The following TTLL9 variants were observed in gnomAD, a reference collection of about 807,000 sequenced individuals.
TTLL9 encodes probable tubulin polyglutamylase TTLL9.
Under a neutral mutation model 65.6 loss-of-function variants are expected in TTLL9, and 47 were observed. That is an observed-to-expected ratio of 0.72 (90% CI 0.57 to 0.91). TTLL9 has a LOEUF of 0.91. Ranked by LOEUF, TTLL9 falls within the 40% of genes least tolerant of loss-of-function variation. The pLI, the probability that TTLL9 is intolerant of heterozygous loss-of-function variation, is 0.00. For missense variants in TTLL9, 537 were observed against 568.8 expected (o/e 0.94, Z 0.57); for synonymous variants, 179 against 204.8 (o/e 0.87, Z 1.07).
At chr20:31,881,048 T>G (rs1568735563) in intron 2 of TTLL9, among the ~76,000 whole-genome samples, 1 of 151,868 alleles carries the variant, frequency 6.6e-6, no homozygotes, top group Non-Finnish European at 1.5e-5. Context: ...CAGAGGAGTC[T>G]CTATGTTATG....
At chr20:31,873,848 G>GAA (rs1478048641) in intron 2 of TTLL9, among the ~76,000 whole-genome samples, 5 of 148,126 alleles carry the variant, frequency 3.4e-5, no homozygotes, top group African/African-American at 1.0e-4. Context: ...AAGAAAGAAA[G>GAA]AAAGAAAGAA....
At chr20:31,936,662 G>A (rs2064113965) in intron 12 of TTLL9, among the ~76,000 whole-genome samples, 1 of 152,156 alleles carries the variant, frequency 6.6e-6, no homozygotes, top group Non-Finnish European at 1.5e-5. Flanking sequence ...GACACAGCAG[G>A]TTGGGTGCCA....
chr20:31,890,043 CTTCT>C (rs1291120581), intron 3 of TTLL9, among the ~76,000 whole-genome samples: 121 of 112,948 alleles, frequency 1.1e-3, no homozygotes, highest in African/African-American at 3.4e-3. Context: ...TCCTTCCTTC[CTTCT>C]TTCTTTCTTT....
intron 2 of TTLL9, among the ~76,000 whole-genome samples, chr20:31,880,944 C>A (rs556776361): frequency 2.7e-4 from 40 of 146,028 alleles, no homozygotes; most frequent in African/African-American, 9.7e-4. Flanking sequence ...ACTTCCTGGA[C>A]TCAAGCGATT....
intron 10 of TTLL9, among the ~76,000 whole-genome samples, chr20:31,928,649 G>A (rs1225665299): frequency 1.3e-5 from 2 of 152,036 alleles, no homozygotes; most frequent in Non-Finnish European, 2.9e-5. Context: ...TCCCTTGAGG[G>A]ATGGTGAAAT....
At chr20:31,872,884 T>G (rs540275419) in intron 2 of TTLL9, 1 of 444,662 alleles carries the variant, frequency 2.2e-6, no homozygotes, top group East Asian at 6.9e-5. Flanking sequence ...GGAGCACATA[T>G]GGCCATGATT....
intron 11 of TTLL9, 173 bp from the exon 12 acceptor site, chr20:31,934,519 T>C (rs1483241823): frequency 1.5e-6 from 1 of 669,086 alleles, no homozygotes; most frequent in African/African-American, 1.8e-5. Context: ...ACATGAAGAA[T>C]TTTTGCCCCT....
At chr20:31,924,794 C>G (rs1393616830) in intron 8 of TTLL9, among the ~76,000 whole-genome samples, 1 of 152,092 alleles carries the variant, frequency 6.6e-6, no homozygotes, top group East Asian at 1.9e-4. Flanking sequence ...TCAGGCTGGT[C>G]TTGGATTCCT....
At chr20:31,913,449 T>C (rs1342266798) in intron 6 of TTLL9, among the ~76,000 whole-genome samples, 1 of 152,124 alleles carries the variant, frequency 6.6e-6, no homozygotes, top group African/African-American at 2.4e-5. Context: ...GTCCCCTGAA[T>C]CCCTCCACTC....
In TTLL9 at chr20:31,908,572, G is replaced by A. The variant is rs746055883; in HGVS notation, c.207-19G>A. 29 of 1,069,294 alleles carry A rather than the reference G, an allele frequency of 2.7e-5. No individual in the cohort carries two copies. The highest frequency in any genetic ancestry group is 1.4e-4 in the Admixed American group (8 of 58,316). The allele number at this position is 1,069,294 out of a possible 1,614,324, so 66.2% of individuals were successfully genotyped here. On this transcript the variant is annotated intron_variant, in intron 4 of 14. Coordinates refer to ENST00000535842, the MANE Select transcript of TTLL9 (RefSeq NM_001008409.5). ...TCCTCAGACCATGACCTTTATCCCC[G>A]CCCCCACCCCACCCCCAGCGAAGGG...
At chr20:31,898,188 A>G (rs934854981) in intron 3 of TTLL9, among the ~76,000 whole-genome samples, 2 of 152,334 alleles carry the variant, frequency 1.3e-5, no homozygotes, top group Non-Finnish European at 2.9e-5. Flanking sequence ...GCAAATACTT[A>G]TCATTTCATG....
intron 7 of TTLL9, among the ~76,000 whole-genome samples, chr20:31,922,389 C>A (rs1355795644): frequency 6.6e-6 from 1 of 152,184 alleles, no homozygotes; most frequent in African/African-American, 2.4e-5. Flanking sequence ...CACCACCATC[C>A]GTCTCCAGAA....
Position 31,919,919 on chromosome 20 carries a change from T to C in TTLL9, c.560T>C (p.Val187Ala). 6.3e-7 allele frequency: 1 copy of C among 1,592,174 alleles called. No homozygotes were observed. The highest frequency in any genetic ancestry group is 1.8e-5 in the Admixed American group (1 of 57,052). ...CTCTTCCGTAGGCTGAAGGACATCGTGGACTGGAGGAAGGTGAGCCTGCCT... is the reference window on the plus strand; with the variant it reads ...CTCTTCCGTAGGCTGAAGGACATCGCGGACTGGAGGAAGGTGAGCCTGCCT... ...IFLFRRLKDI[V>A]DWRKDTRSSD... Residue 187 changes from valine to alanine, a missense_variant, in exon 7 of 15, where the codon GTG (valine) becomes GCG (alanine). Physicochemically the swap from Val to Ala is moderately conservative, Grantham distance 64. Around this residue, in one of 3 missense-constraint regions of TTLL9, gnomAD observed 320 missense variants for 311.0 expected, o/e 1.03. Transcript: ENST00000535842.
intron 4 of TTLL9, among the ~76,000 whole-genome samples, chr20:31,903,167 C>T (rs1452991644): frequency 6.6e-6 from 1 of 152,028 alleles, no homozygotes; most frequent in Non-Finnish European, 1.5e-5. Flanking sequence ...ACCGTACCCA[C>T]CCTCACATTT....
intron 2 of TTLL9, among the ~76,000 whole-genome samples, chr20:31,876,563 T>C (rs965678183): frequency 2.6e-5 from 4 of 152,232 alleles, no homozygotes; most frequent in African/African-American, 9.6e-5. Context: ...ACAACATCCT[T>C]ATACATATGA....
At position 31,937,470 on chromosome 20, in the gene TTLL9, T is replaced by G. The variant is rs2064131802; in HGVS notation, c.1079T>G (p.Leu360Arg). The G allele has an allele frequency of 6.2e-7, 1 of 1,613,730 alleles. No individual in the cohort carries two copies. The highest frequency in any genetic ancestry group is 1.1e-5 in the South Asian group (1 of 91,080). ...SQEDYELKTC[L>R]LEDTLHVVDM... ...GAAGACTATGAGCTCAAGACCTGCC[T>G]CCTGGAAGACACCCTGCATGTTGTG... Residue 360 changes from leucine to arginine, a missense_variant, in exon 13 of 15, where the codon CTC (leucine) becomes CGC (arginine). Leu to Arg is a moderately radical substitution (Grantham distance 102, BLOSUM62 -2). This residue lies in a region of TTLL9 where 205 missense variants were observed against 225.9 expected (regional missense o/e 0.91). Coordinates refer to ENST00000535842, the MANE Select transcript of TTLL9 (RefSeq NM_001008409.5).
At position 31,931,065 on chromosome 20, in the gene TTLL9, G is replaced by C. The variant is rs1394022548; in HGVS notation, c.749-2735G>C. On this transcript the variant is annotated intron_variant, in intron 10 of 14. Coordinates refer to ENST00000535842, the MANE Select transcript of TTLL9 (RefSeq NM_001008409.5). ...TCAGCCAGTAACTTACTTTGCCCCA[G>C]CATCCTCTTTTCCTTTTTTTTTTTT... Among the ~76,000 whole-genome samples, 4 of 146,672 alleles carry C rather than the reference G, an allele frequency of 2.7e-5. No individual in the cohort carries two copies. In the South Asian group the frequency reaches 6.4e-4, roughly 24 times the overall value.
chr20:31,875,448 T>A (rs555753610), intron 2 of TTLL9, among the ~76,000 whole-genome samples: 56 of 152,244 alleles, frequency 3.7e-4, no homozygotes, highest in Non-Finnish European at 6.2e-4. Context: ...CAAACAGGTT[T>A]GGAAACCTCG....
At chr20:31,891,067 C>G (rs1171054471) in intron 3 of TTLL9, among the ~76,000 whole-genome samples, 1 of 152,108 alleles carries the variant, frequency 6.6e-6, no homozygotes, top group Non-Finnish European at 1.5e-5. Flanking sequence ...GAGTACAAAC[C>G]CAGGGTATAG....
Sources: gnomAD v4.1 joint callset for allele counts (sites outside exome capture counted in the v4.1 genomes callset) on GRCh38, gnomAD v4.1.1 for gene constraint, gnomAD v4.1.1 regional missense constraint, MANE v1.5 for transcripts, NCBI Gene and HGNC (gene_info 2026-07-23, HGNC 2026-07-21) for gene names.